CCDC125: variants seen among roughly 807,000 people sequenced by gnomAD.
CCDC125 encodes the protein coiled-coil domain-containing protein 125.
A neutral mutation model predicts 57.4 loss-of-function variants in CCDC125; 43 were observed. That is an observed-to-expected ratio of 0.75 (90% CI 0.59 to 0.97). The LOEUF (loss-of-function observed/expected upper bound fraction) is 0.97, where lower values mean the gene tolerates loss of function less well. Among genes scored for constraint, CCDC125 ranks in the 50% least tolerant of loss-of-function variants. The pLI is 0.00. For missense variants in CCDC125, 563 were observed against 595.7 expected (o/e 0.95, Z 0.57); for synonymous variants, 187 against 195.2 (o/e 0.96, Z 0.35).
chr5:69,325,661 T>G (rs1342571008), intron 1 of CCDC125, among the ~76,000 whole-genome samples: 1 of 149,962 alleles, frequency 6.7e-6, no homozygotes, highest in Non-Finnish European at 1.5e-5. Context: ...TCATCTCTAC[T>G]AAAAATACAA....
chr5:69,324,148 G>A (rs952066721), intron 1 of CCDC125, among the ~76,000 whole-genome samples: 2 of 152,002 alleles, frequency 1.3e-5, no homozygotes, highest in Non-Finnish European at 2.9e-5. Context: ...CATGTATTAA[G>A]GAATTTCTGT....
downstream of CCDC125, among the ~76,000 whole-genome samples, chr5:69,277,826 T>C (rs184335432): frequency 6.6e-6 from 1 of 151,848 alleles, no homozygotes; most frequent in African/African-American, 2.4e-5. Context: ...TTAACAAATA[T>C]TAATATACGG....
intron 8 of CCDC125, among the ~76,000 whole-genome samples, chr5:69,296,692 G>C (rs1003478855): frequency 6.6e-6 from 1 of 152,116 alleles, no homozygotes; most frequent in Admixed American, 6.5e-5. Flanking sequence ...GGCCAGGCAG[G>C]GTGTCTTATG....
chr5:69,274,954 A>G, the CCDC125 span, among the ~76,000 whole-genome samples: 10 of 151,244 alleles, frequency 6.6e-5, no homozygotes, highest in African/African-American at 9.7e-5. Flanking sequence ...GGACAGCACT[A>G]TGCTGCTGAT....
At chr5:69,286,513 G>A (rs1413499040) in intron 10 of CCDC125, among the ~76,000 whole-genome samples, 3 of 151,518 alleles carry the variant, frequency 2.0e-5, no homozygotes, top group Non-Finnish European at 2.9e-5. Context: ...GATTACAGGC[G>A]TGAGCCACCG....
intron 10 of CCDC125, among the ~76,000 whole-genome samples, chr5:69,286,409 T>TAA (rs1414192715): frequency 6.6e-6 from 1 of 151,052 alleles, no homozygotes; most frequent in Non-Finnish European, 1.5e-5. Context: ...TTTTTTTGTA[T>TAA]TTTTAGTAGA....
chr5:69,274,477 G>A, the CCDC125 span, among the ~76,000 whole-genome samples: 1 of 152,104 alleles, frequency 6.6e-6, no homozygotes, highest in African/African-American at 2.4e-5. Flanking sequence ...TCTACAAAAA[G>A]TAAATAAATA....
chr5:69,305,237 AAGG>A (rs1295078891), intron 6 of CCDC125, among the ~76,000 whole-genome samples: 1 of 152,068 alleles, frequency 6.6e-6, no homozygotes, highest in African/African-American at 2.4e-5. Flanking sequence ...TTTTGGATAC[AAGG>A]TCTCGCTCTG....
intron 1 of CCDC125, among the ~76,000 whole-genome samples, chr5:69,322,849 C>A (rs556995777): frequency 6.6e-6 from 1 of 151,916 alleles, no homozygotes; most frequent in South Asian, 2.1e-4. Flanking sequence ...GTGTGAGCCA[C>A]CGCACTGGCC....
In CCDC125 at chr5:69,295,107, T is replaced by A. The variant is rs548671251; in HGVS notation, c.817-207A>T. Reference sequence around the variant, plus strand: ...AATTAACTACAAACGACAAAAAGAATGTCATGACTTGGAACACAAACAAAA... The same window carrying A: ...AATTAACTACAAACGACAAAAAGAAAGTCATGACTTGGAACACAAACAAAA... On this transcript the variant is annotated intron_variant, in intron 8 of 11. Coordinates refer to ENST00000396496, the MANE Select transcript of CCDC125 (RefSeq NM_176816.5). Among the ~76,000 whole-genome samples, 3 of 152,318 alleles carry A rather than the reference T, an allele frequency of 2.0e-5. No homozygotes were observed. In the South Asian group the frequency reaches 6.2e-4, roughly 32 times the overall value.
At chr5:69,279,403 A>G (rs866136949), downstream of CCDC125, among the ~76,000 whole-genome samples, 23 of 152,122 alleles carry the variant, frequency 1.5e-4, no homozygotes, top group Middle Eastern at 0.017. Flanking sequence ...TCACTGTGTT[A>G]GCCAGGATGG....
chr5:69,305,177 C>T (rs1321934882), intron 6 of CCDC125, among the ~76,000 whole-genome samples: 4 of 152,084 alleles, frequency 2.6e-5, no homozygotes, highest in South Asian at 4.1e-4. Flanking sequence ...AACAAAATGG[C>T]GTACATACAT....
intron 10 of CCDC125, among the ~76,000 whole-genome samples, chr5:69,289,977 G>T (rs1400250642): frequency 6.6e-6 from 1 of 151,484 alleles, no homozygotes; most frequent in African/African-American, 2.4e-5. Context: ...AAATATGAAT[G>T]ACTTTCTCAG....
intron 10 of CCDC125, among the ~76,000 whole-genome samples, chr5:69,288,613 G>C (rs1298367048): frequency 1.3e-5 from 2 of 152,310 alleles, no homozygotes; most frequent in Non-Finnish European, 2.9e-5. Context: ...CTGGTAAACG[G>C]AAGTGTTTCC....
Position 69,305,875 on chromosome 5 carries a change from G to A in CCDC125, c.617+942C>T, listed in dbSNP as rs562184462. 9.2e-5 allele frequency among the ~76,000 whole-genome samples: 14 copies of A among 152,100 alleles called. No individual in the cohort carries two copies. In the South Asian group the frequency reaches 1.2e-3, roughly 14 times the overall value. On this transcript the variant is annotated intron_variant, in intron 6 of 11. Transcript: ENST00000396496. The stretch of plus-strand genomic sequence containing the variant: ...CTTTTGTCTTTATTTTTATTCCCAC[G>A]TTCGTCTCCCTTTGTTCAGTCCAAC...
Position 69,303,983 on chromosome 5 carries a change from G to A in CCDC125, c.618-54C>T, listed in dbSNP as rs1328765463. 2.2e-5 allele frequency: 22 copies of A among 1,002,460 alleles called. No individual in the cohort carries two copies. The East Asian group carries it at 3.6e-4, about 16-fold the overall frequency. The allele number at this position is 1,002,460 out of a possible 1,614,324, so 62.1% of individuals were successfully genotyped here. A position where few individuals can be genotyped will look rare whatever the true frequency, so the allele number is the denominator to read the frequency against. Reference sequence around the variant, plus strand: ...AAACATTAATATTTCCTTGCTGAGCGAGAATATTTTTATTGCCATAATTGG... The same window carrying A: ...AAACATTAATATTTCCTTGCTGAGCAAGAATATTTTTATTGCCATAATTGG... On this transcript the variant is annotated intron_variant, in intron 6 of 11. Coordinates refer to ENST00000396496, the MANE Select transcript of CCDC125 (RefSeq NM_176816.5).
At chr5:69,285,922 C>T (rs1753267341) in intron 10 of CCDC125, among the ~76,000 whole-genome samples, 4 of 151,968 alleles carry the variant, frequency 2.6e-5, no homozygotes, top group Admixed American at 1.3e-4. Context: ...CTCATTCAGC[C>T]ACTTACTAAC....
Position 69,282,590 on chromosome 5 carries a change from T to G in CCDC125, c.*139A>C. 1.5e-6 allele frequency: 1 copy of G among 665,986 alleles called. No individual in the cohort carries two copies. Among genetic ancestry groups the G allele is most frequent in the African/African-American group, 1.8e-5 (1 of 54,236 alleles). The allele number at this position is 665,986 out of a possible 1,614,324, so 41.3% of individuals were successfully genotyped here. ...GAAGAAAAAGAAAATGTAGAAAATA[T>G]TTGATTTAAGTGACCTCCTAAAATT... is the stretch of plus-strand genomic sequence containing the variant. On this transcript the variant is annotated 3_prime_UTR_variant, in exon 12 of 12. Transcript: ENST00000396496.
chr5:69,313,719 T>C, intron 3 of CCDC125: 1 of 770,358 alleles, frequency 1.3e-6, no homozygotes, highest in Non-Finnish European at 2.4e-6. Context: ...CTCCTTGCCC[T>C]CCCCTTCAGG....
Sources: allele counts gnomAD v4.1 joint callset (sites outside exome capture counted in the v4.1 genomes callset), GRCh38; gene constraint gnomAD v4.1.1; transcripts MANE v1.5; gene names NCBI Gene and HGNC (gene_info 2026-07-23, HGNC 2026-07-21).